LSAMP: variants seen among roughly 807,000 people sequenced by gnomAD.
The protein encoded by LSAMP is limbic system-associated membrane protein.
LSAMP carries 7 observed loss-of-function variants against 38.6 expected under a neutral mutation model. The observed-to-expected ratio is 0.18, with a 90% CI of 0.10 to 0.34. The LOEUF (loss-of-function observed/expected upper bound fraction) is 0.34. Among genes scored for constraint, LSAMP ranks in the 10% least tolerant of loss-of-function variants. LSAMP has a pLI of 1.00. For missense variants in LSAMP, 313 were observed against 420.0 expected, an observed-to-expected ratio of 0.75 and a Z score of 2.23; for synonymous variants, 154 against 166.8, an observed-to-expected ratio of 0.92 and a Z score of 0.59.
intron 6 of LSAMP, among the ~76,000 whole-genome samples, chr3:115,821,222 A>C (rs1049283711): frequency 2.6e-5 from 4 of 152,194 alleles, no homozygotes; most frequent in Admixed American, 6.5e-5. Context: ...TACAGTTTAT[A>C]GTTTGGGAAC....
At chr3:115,936,571 A>G (rs1339043283) in intron 3 of LSAMP, among the ~76,000 whole-genome samples, 2 of 152,164 alleles carry the variant, frequency 1.3e-5, no homozygotes, top group East Asian at 3.8e-4. Flanking sequence ...GGAGGTGACA[A>G]AGACCTATCA....
At chr3:116,115,936 C>A (rs1338447813) in intron 1 of LSAMP, among the ~76,000 whole-genome samples, 1 of 151,886 alleles carries the variant, frequency 6.6e-6, no homozygotes, top group African/African-American at 2.4e-5. Flanking sequence ...GCGGCTTCCA[C>A]CCCTTTCAAT....
chr3:115,927,886 C>T (rs777065416), intron 3 of LSAMP, among the ~76,000 whole-genome samples: 46 of 152,294 alleles, frequency 3.0e-4, no homozygotes, highest in Non-Finnish European at 2.1e-4. Flanking sequence ...CCACATACCT[C>T]GAGACCATTA....
chr3:116,112,804 G>C (rs1351526026), intron 1 of LSAMP, among the ~76,000 whole-genome samples: 1 of 152,142 alleles, frequency 6.6e-6, no homozygotes, highest in Non-Finnish European at 1.5e-5. Context: ...AAATGCGTTG[G>C]CTACCCTACC....
At chr3:116,419,164 T>C (rs1040434836) in intron 1 of LSAMP, among the ~76,000 whole-genome samples, 1 of 152,218 alleles carries the variant, frequency 6.6e-6, no homozygotes, top group Non-Finnish European at 1.5e-5. Context: ...GCATTATACC[T>C]GGTGATGACT....
intron 1 of LSAMP, among the ~76,000 whole-genome samples, chr3:116,224,826 C>T (rs186912003): frequency 9.2e-5 from 14 of 152,240 alleles, no homozygotes; most frequent in East Asian, 3.9e-4. Flanking sequence ...TACCAGCCCT[C>T]GAATGATCTT....
chr3:116,013,480 A>G lies in LSAMP; in HGVS notation c.514+6035T>C, dbSNP rs116158834. On this transcript the variant is annotated intron_variant, in intron 3 of 6. Transcript: ENST00000490035. ...TTCAAATCTAAATTTAAGATATTTT[A>G]TACACACAAACAGCTGTCTATATAC... Among the ~76,000 whole-genome samples, 1,007 of 152,316 alleles carry G rather than the reference A, an allele frequency of 6.6e-3. 5 individuals are homozygous for G. The highest frequency in any genetic ancestry group is 0.022 in the African/African-American group (919 of 41,566).
intron 6 of LSAMP, among the ~76,000 whole-genome samples, chr3:115,813,524 T>C (rs974949959): frequency 2.6e-5 from 4 of 152,122 alleles, no homozygotes; most frequent in African/African-American, 9.7e-5. Context: ...GAAACTTATT[T>C]TGTGCATCAG....
intron 3 of LSAMP, among the ~76,000 whole-genome samples, chr3:115,939,530 CTCTTTCTTTCTTTCTT>C (rs377683505): frequency 1.4e-3 from 141 of 99,720 alleles, no homozygotes; most frequent in Middle Eastern, 9.7e-3. Flanking sequence ...TGTTCTCTTT[CTCTTTCTTTCTTTCTT>C]TCTTTCTTTC....
intron 1 of LSAMP, among the ~76,000 whole-genome samples, chr3:116,164,025 A>G (rs1489721657): frequency 8.3e-6 from 1 of 121,118 alleles, no homozygotes; most frequent in African/African-American, 2.9e-5. Flanking sequence ...AGAAAAATGT[A>G]TGTATTACTG....
intron 1 of LSAMP, among the ~76,000 whole-genome samples, chr3:116,242,609 C>A (rs919220644): frequency 3.3e-5 from 5 of 152,072 alleles, no homozygotes; most frequent in Admixed American, 3.3e-4. Flanking sequence ...ACCCCTTAAT[C>A]ATTTCTAACA....
At position 116,334,327 on chromosome 3, in the gene LSAMP, AAC is replaced by A. The variant is rs1432740601; in HGVS notation, c.155+110548_155+110549del. Among the ~76,000 whole-genome samples the A allele has an allele frequency of 5.9e-5, 9 of 152,232 alleles. No individual in the cohort carries two copies. The East Asian group carries it at 1.7e-3, about 29-fold the overall frequency. ...ATTCTACTTAAAAATTTAAAGAACT[AAC>A]ACCCGTCCTTCTCAAACATTTCCAA... On this transcript the variant is annotated intron_variant, in intron 1 of 6. Transcript: ENST00000490035.
intron 1 of LSAMP, among the ~76,000 whole-genome samples, chr3:116,327,678 A>T (rs1338947263): frequency 2.0e-5 from 3 of 152,172 alleles, no homozygotes; most frequent in Non-Finnish European, 4.4e-5. Flanking sequence ...TCCATTCCTG[A>T]CTGAAAAGTT....
At chr3:116,232,636 T>G (rs1261602700) in intron 1 of LSAMP, among the ~76,000 whole-genome samples, 2 of 151,874 alleles carry the variant, frequency 1.3e-5, no homozygotes. Context: ...TAGTTCAGCC[T>G]GAGAAAGAGA....
At chr3:116,405,689 C>T (rs2048889533) in intron 1 of LSAMP, among the ~76,000 whole-genome samples, 1 of 151,954 alleles carries the variant, frequency 6.6e-6, no homozygotes, top group Non-Finnish European at 1.5e-5. Flanking sequence ...TTTAATGAGT[C>T]TCATGAATAT....
intron 3 of LSAMP, among the ~76,000 whole-genome samples, chr3:116,000,839 A>C (rs72957798): frequency 1.2e-4 from 19 of 152,340 alleles, no homozygotes; most frequent in African/African-American, 4.6e-4. Context: ...ACCACTGATG[A>C]GGAGTTCTCA....
intron 1 of LSAMP, among the ~76,000 whole-genome samples, chr3:116,328,070 G>A (rs76513654): frequency 0.013 from 1,957 of 152,030 alleles, 33 homozygotes; most frequent in African/African-American, 0.044. Context: ...CTCATTAGTT[G>A]AGCCCCGAAG....
At chr3:116,182,926 T>G (rs1710521101) in intron 1 of LSAMP, among the ~76,000 whole-genome samples, 1 of 151,894 alleles carries the variant, frequency 6.6e-6, no homozygotes, top group African/African-American at 2.4e-5. Flanking sequence ...CTGAGAGATA[T>G]CTGTAAACAA....
intron 1 of LSAMP, among the ~76,000 whole-genome samples, chr3:116,253,862 G>T (rs9836711): frequency 6.6e-6 from 1 of 151,942 alleles, no homozygotes; most frequent in African/African-American, 2.4e-5. Context: ...AAGGGGCCAT[G>T]CAAGCTCATT....
Sources: gnomAD v4.1 joint callset for allele counts (sites outside exome capture counted in the v4.1 genomes callset) on GRCh38, gnomAD v4.1.1 for gene constraint, MANE v1.5 for transcripts, NCBI Gene and HGNC (gene_info 2026-07-23, HGNC 2026-07-21) for gene names.